The following INPP4B variants were observed in gnomAD, a reference collection of about 807,000 sequenced individuals.
INPP4B encodes inositol polyphosphate 4-phosphatase type II.
INPP4B carries 55 observed loss-of-function variants against 122.5 expected under a neutral mutation model. The ratio of observed to expected loss-of-function variants is 0.45; its 90% confidence interval spans 0.36 to 0.56. The LOEUF (loss-of-function observed/expected upper bound fraction) is 0.56, where lower values mean the gene tolerates loss of function less well. INPP4B is among the 20% of genes least tolerant of loss of function. The pLI, the probability that INPP4B is intolerant of heterozygous loss-of-function variation, is 0.00. For synonymous variants in INPP4B, 403 were observed against 388.7 expected (o/e 1.04, Z -0.43); for missense variants, 1,000 against 1,097.7 (o/e 0.91, Z 1.26).
chr4:142,718,943 C>T (rs984294686), intron 2 of INPP4B, among the ~76,000 whole-genome samples: 5 of 152,102 alleles, frequency 3.3e-5, no homozygotes, highest in African/African-American at 1.2e-4. Context: ...TCAGTTAGCC[C>T]CACCTCACTA....
intron 7 of INPP4B, among the ~76,000 whole-genome samples, chr4:142,350,227 T>G (rs1781535846): frequency 6.6e-6 from 1 of 151,996 alleles, no homozygotes; most frequent in African/African-American, 2.4e-5. Flanking sequence ...AAGAACATAT[T>G]GTATGTCCTT....
At chr4:142,658,119 A>C (rs1754491150) in intron 2 of INPP4B, among the ~76,000 whole-genome samples, 1 of 152,212 alleles carries the variant, frequency 6.6e-6, no homozygotes, top group African/African-American at 2.4e-5. Context: ...GTTATTGTAA[A>C]CCATGAAGAT....
rs200657873 is a variant in INPP4B at position 142,215,892 on chromosome 4, C to CA, written c.837-6867dup. Among the ~76,000 whole-genome samples, 71 of 54,528 alleles carry CA rather than the reference C, an allele frequency of 1.3e-3. 11 individuals are homozygous for CA. The highest frequency in any genetic ancestry group is 1.5e-3 in the South Asian group (3 of 1,958). The allele number at this position is 54,528 out of a possible 152,430, so 35.8% of individuals were successfully genotyped here. On this transcript the variant is annotated intron_variant, in intron 12 of 25. Coordinates refer to ENST00000262992, the MANE Select transcript of INPP4B (RefSeq NM_001101669.3). The stretch of plus-strand genomic sequence containing the variant: ...TGGGCAACAGACCAAGACTCTGTCT[C>CA]AAAAAAAAAAAAAAAAAAAAAAAAA...
intron 2 of INPP4B, among the ~76,000 whole-genome samples, chr4:142,641,150 T>C (rs991120289): frequency 1.3e-5 from 2 of 152,090 alleles, no homozygotes; most frequent in African/African-American, 4.8e-5. Context: ...CTGTCTGTAA[T>C]TGTCACAACT....
chr4:142,200,350 C>A lies in INPP4B; in HGVS notation c.1073-7155G>T, dbSNP rs563316920. On this transcript the variant is annotated intron_variant, in intron 14 of 25. Transcript: ENST00000262992. ...CATCTTGTATTTTCCCTGACCCAGC[C>A]CTGCAATCAACCAACTTTCCAATAA... Among the ~76,000 whole-genome samples the A allele has an allele frequency of 2.0e-5, 3 of 151,970 alleles. No individual in the cohort carries two copies. In the East Asian group the frequency reaches 5.8e-4, roughly 29 times the overall value.
rs879322525 is a variant in INPP4B, at chr4:142,619,182, T to TA, written c.-191+106656dup. 1.1e-3 allele frequency among the ~76,000 whole-genome samples: 164 copies of TA among 146,932 alleles called. 5 individuals carry two copies. Among genetic ancestry groups the TA allele is most frequent in the South Asian group, 3.7e-3 (17 of 4,656 alleles). ...CTGTAGAAAACAGTATGGAGATTCC[T>TA]AAAAAAAAAAATTAAAAATAGAAAT... On this transcript the variant is annotated intron_variant, in intron 2 of 25. Transcript: ENST00000262992.
intron 2 of INPP4B, among the ~76,000 whole-genome samples, chr4:142,545,821 G>GTATATATATATATATATATATA (rs70949172): frequency 8.9e-6 from 1 of 111,922 alleles, no homozygotes. Flanking sequence ...ATACATGTGT[G>GTATATATATATATATATATATA]TATATATATA....
chr4:142,599,823 G>T (rs1739499236), intron 2 of INPP4B, among the ~76,000 whole-genome samples: 1 of 151,742 alleles, frequency 6.6e-6, no homozygotes, highest in Non-Finnish European at 1.5e-5. Flanking sequence ...ATTTACCAGA[G>T]ATATATATCT....
At chr4:142,499,292 A>G (rs1193517458) in intron 2 of INPP4B, among the ~76,000 whole-genome samples, 3 of 151,964 alleles carry the variant, frequency 2.0e-5, no homozygotes, top group Admixed American at 6.6e-5. Context: ...GCACTCAGAG[A>G]AAAAAAATAT....
rs1788808437 is a variant in INPP4B at position 142,369,285 on chromosome 4, A to G, written c.372+33653T>C. 1.3e-5 allele frequency among the ~76,000 whole-genome samples: 2 copies of G among 152,092 alleles called. 1 individual carries two copies. Among genetic ancestry groups the G allele is most frequent in the South Asian group, 4.1e-4 (2 of 4,828 alleles). On this transcript the variant is annotated intron_variant, in intron 7 of 25. Coordinates refer to ENST00000262992, the MANE Select transcript of INPP4B (RefSeq NM_001101669.3). ...TTCATCCCCCCATATTTCCAGGATA[A>G]AAACAAAAAATTCCTAGGCCGAGTG...
At chr4:142,178,170 G>T (rs1561389785) in intron 15 of INPP4B, among the ~76,000 whole-genome samples, 1 of 152,064 alleles carries the variant, frequency 6.6e-6, no homozygotes, top group Non-Finnish European at 1.5e-5. Context: ...CTTAGATTAT[G>T]GCAGGTCCAT....
chr4:142,735,855 CTTTAA>C (rs1228343165), intron 1 of INPP4B, among the ~76,000 whole-genome samples: 1 of 150,894 alleles, frequency 6.6e-6, no homozygotes, highest in Non-Finnish European at 1.5e-5. Flanking sequence ...CATATTATAT[CTTTAA>C]TTTAAAGTAA....
chr4:142,601,367 T>C (rs1203262244), intron 2 of INPP4B, among the ~76,000 whole-genome samples: 1 of 152,020 alleles, frequency 6.6e-6, no homozygotes, highest in Non-Finnish European at 1.5e-5. Flanking sequence ...TTCATAACAG[T>C]ATGGTATAAA....
chr4:142,422,008 G>A (rs2149315266), intron 5 of INPP4B, among the ~76,000 whole-genome samples: 1 of 152,164 alleles, frequency 6.6e-6, no homozygotes, highest in South Asian at 2.1e-4. Context: ...ACTCAGCTTA[G>A]ATCCTGACTC....
At chr4:142,533,634 C>G (rs1827870998) in intron 2 of INPP4B, among the ~76,000 whole-genome samples, 1 of 151,836 alleles carries the variant, frequency 6.6e-6, no homozygotes, top group Non-Finnish European at 1.5e-5. Flanking sequence ...AAAAACAGTT[C>G]GAGATTCAGG....
At chr4:142,336,787 C>T (rs2646091) in intron 7 of INPP4B, among the ~76,000 whole-genome samples, 41,164 of 152,174 alleles carry the variant, frequency 0.27, 6,928 homozygotes, top group South Asian at 0.38. Context: ...CAGGCAGAGG[C>T]GCCACTGGCC....
At chr4:142,797,306 C>G (rs1777386260) in intron 1 of INPP4B, among the ~76,000 whole-genome samples, 1 of 151,952 alleles carries the variant, frequency 6.6e-6, no homozygotes, top group Admixed American at 6.6e-5. Flanking sequence ...GACTTACGTT[C>G]TACTGCCTTT....
chr4:142,088,017 G>T (rs762141527), intron 23 of INPP4B, among the ~76,000 whole-genome samples: 3 of 152,176 alleles, frequency 2.0e-5, no homozygotes, highest in Non-Finnish European at 2.9e-5. Context: ...GTTTCTAAAA[G>T]AGAAAGTTGT....
intron 7 of INPP4B, among the ~76,000 whole-genome samples, chr4:142,370,302 C>A (rs963702193): frequency 6.6e-6 from 1 of 152,252 alleles, no homozygotes; most frequent in South Asian, 2.1e-4. Flanking sequence ...GCACACTAAC[C>A]ATTGCACAAT....
Sources: gnomAD v4.1 joint callset for allele counts (sites outside exome capture counted in the v4.1 genomes callset) on GRCh38, gnomAD v4.1.1 for gene constraint, MANE v1.5 for transcripts, NCBI Gene and HGNC (gene_info 2026-07-23, HGNC 2026-07-21) for gene names.